The following MAGI2 variants were observed in gnomAD, a reference collection of about 807,000 sequenced individuals.
The protein encoded by MAGI2 is membrane associated guanylate kinase, WW and PDZ domain containing 2.
In MAGI2, 35 loss-of-function variants were observed where a neutral mutation model predicts 133.3. The ratio of observed to expected loss-of-function variants is 0.26; its 90% CI spans 0.20 to 0.35. The LOEUF (loss-of-function observed/expected upper bound fraction) is 0.35, where lower values mean the gene tolerates loss of function less well. Ranked by LOEUF, MAGI2 falls within the 10% of genes least tolerant of loss-of-function variation. MAGI2 has a pLI of 1.00. For synonymous variants in MAGI2, 729 were observed against 710.6 expected (o/e 1.03, Z -0.41); for missense variants, 1,636 against 1,863.4 (o/e 0.88, Z 2.25).
chr7:79,170,517 A>G (rs1310437689), intron 1 of MAGI2, among the ~76,000 whole-genome samples: 1 of 152,036 alleles, frequency 6.6e-6, no homozygotes, highest in African/African-American at 2.4e-5. Context: ...ATTGATATAT[A>G]TTTTATAGAG....
chr7:78,082,389 G>GA (rs1323560136), intron 20 of MAGI2, among the ~76,000 whole-genome samples: 1 of 152,176 alleles, frequency 6.6e-6, no homozygotes, highest in East Asian at 1.9e-4. Context: ...AGTCCCCTCT[G>GA]TGGGGGCCTC....
intron 1 of MAGI2, among the ~76,000 whole-genome samples, chr7:79,133,056 T>A (rs1424620643): frequency 6.6e-6 from 1 of 152,148 alleles, no homozygotes; most frequent in Non-Finnish European, 1.5e-5. Context: ...CCAGTCCTTG[T>A]TGGATGTGTA....
chr7:79,159,325 C>T (rs1272607264), intron 1 of MAGI2, among the ~76,000 whole-genome samples: 3 of 151,712 alleles, frequency 2.0e-5, no homozygotes, highest in Non-Finnish European at 4.4e-5. Context: ...ACCAGCCTGG[C>T]CAACATGGTG....
chr7:78,619,669 C>T (rs1807505662), intron 3 of MAGI2, among the ~76,000 whole-genome samples: 1 of 151,884 alleles, frequency 6.6e-6, no homozygotes, highest in Admixed American at 6.6e-5. Flanking sequence ...AATTGTACTT[C>T]ATTATAGAAG....
At chr7:79,316,691 C>T (rs1405227421) in intron 1 of MAGI2, among the ~76,000 whole-genome samples, 1 of 152,138 alleles carries the variant, frequency 6.6e-6, no homozygotes, top group Admixed American at 6.5e-5. Context: ...TGTATCAGAC[C>T]AATTCCGTCT....
At chr7:79,192,226 T>G (rs75119065) in intron 1 of MAGI2, among the ~76,000 whole-genome samples, 2,520 of 151,990 alleles carry the variant, frequency 0.017, 106 homozygotes, top group African/African-American at 0.058. Context: ...TATTTATTTT[T>G]TATCTATTGT....
chr7:78,033,472 C>CAAA (rs199985014), intron 21 of MAGI2, among the ~76,000 whole-genome samples: 11,952 of 130,854 alleles, frequency 0.091, 662 homozygotes, highest in Non-Finnish European at 0.13. Flanking sequence ...GAGCTTGTCT[C>CAAA]AAAAAAAAAA....
At chr7:78,926,688 T>C (rs182236396) in intron 2 of MAGI2, among the ~76,000 whole-genome samples, 1 of 152,130 alleles carries the variant, frequency 6.6e-6, no homozygotes, top group African/African-American at 2.4e-5. Flanking sequence ...AGGATGGACA[T>C]AAAGAAGAAA....
intron 1 of MAGI2, among the ~76,000 whole-genome samples, chr7:79,069,208 C>A (rs1814698580): frequency 6.6e-6 from 1 of 152,038 alleles, no homozygotes; most frequent in Non-Finnish European, 1.5e-5. Flanking sequence ...GTGTTAAATT[C>A]TCCTACTAGT....
At chr7:79,117,784 C>G (rs917083386) in intron 1 of MAGI2, among the ~76,000 whole-genome samples, 2 of 152,178 alleles carry the variant, frequency 1.3e-5, no homozygotes, top group Non-Finnish European at 2.9e-5. Flanking sequence ...TCTCTGAATT[C>G]CTTTCCTGGC....
intron 3 of MAGI2, among the ~76,000 whole-genome samples, chr7:78,572,146 A>G (rs1158668792): frequency 6.6e-6 from 1 of 152,092 alleles, no homozygotes; most frequent in Non-Finnish European, 1.5e-5. Flanking sequence ...AAATGTCTTT[A>G]TTTTGCTGCT....
At chr7:78,813,936 C>G (rs557459510) in intron 2 of MAGI2, among the ~76,000 whole-genome samples, 20 of 152,274 alleles carry the variant, frequency 1.3e-4, no homozygotes, top group Non-Finnish European at 2.6e-4. Flanking sequence ...AAAACTGTTT[C>G]CTTCCTAAGG....
At chr7:79,228,438 G>A (rs1029013985) in intron 1 of MAGI2, among the ~76,000 whole-genome samples, 1 of 145,960 alleles carries the variant, frequency 6.9e-6, no homozygotes, top group Non-Finnish European at 1.5e-5. Flanking sequence ...CGTGCTGAGA[G>A]TACCCCTTTA....
chr7:78,837,869 G>A (rs1193316565), intron 2 of MAGI2, among the ~76,000 whole-genome samples: 1 of 152,008 alleles, frequency 6.6e-6, no homozygotes, highest in Non-Finnish European at 1.5e-5. Context: ...TTCCATTTGA[G>A]GTTTTTCACT....
chr7:78,573,059 A>ATATATG (rs1801706364), intron 3 of MAGI2, among the ~76,000 whole-genome samples: 1 of 104,578 alleles, frequency 9.6e-6, no homozygotes, highest in Non-Finnish European at 1.8e-5. Flanking sequence ...ATATATATAT[A>ATATATG]TATATATATA....
chr7:79,227,435 A>C (rs1830955992), intron 1 of MAGI2, among the ~76,000 whole-genome samples: 1 of 152,222 alleles, frequency 6.6e-6, no homozygotes, highest in Non-Finnish European at 1.5e-5. Context: ...ATGGCAATAC[A>C]TCACATCACA....
At chr7:78,584,198 G>A (rs1480870174) in intron 3 of MAGI2, among the ~76,000 whole-genome samples, 4 of 152,118 alleles carry the variant, frequency 2.6e-5, no homozygotes, top group African/African-American at 9.7e-5. Flanking sequence ...GAGGCAGGCA[G>A]ATCACAAGGT....
intron 1 of MAGI2, among the ~76,000 whole-genome samples, chr7:79,059,250 A>G (rs1326692870): frequency 6.6e-6 from 1 of 152,024 alleles, no homozygotes; most frequent in African/African-American, 2.4e-5. Flanking sequence ...ATTTTTTAAT[A>G]TATGTTTCTC....
In MAGI2 at chr7:78,894,929, G is replaced by T. The variant is rs369357084; in HGVS notation, c.418+112161C>A. On this transcript the variant is annotated intron_variant, in intron 2 of 21. Transcript: ENST00000354212. ...TAAAACTTTGAAACAGAGATCTTAA[G>T]TAAACAGAAAACATCTGCTATGGTT... is the stretch of plus-strand genomic sequence containing the variant. Among the ~76,000 whole-genome samples the T allele has an allele frequency of 2.0e-5, 3 of 152,084 alleles. No individual in the cohort carries two copies. In the East Asian group the frequency reaches 5.8e-4, roughly 29 times the overall value.
Sources: allele counts gnomAD v4.1 joint callset (sites outside exome capture counted in the v4.1 genomes callset), GRCh38; gene constraint gnomAD v4.1.1; transcripts MANE v1.5; gene names NCBI Gene and HGNC (gene_info 2026-07-23, HGNC 2026-07-21).